ADGRV1: variants seen among roughly 807,000 people sequenced by gnomAD.
ADGRV1 encodes adhesion G protein-coupled receptor V1.
ADGRV1 carries 359 observed loss-of-function variants against 596.2 expected under a neutral mutation model. The observed-to-expected ratio is 0.60, with a 90% CI of 0.55 to 0.66. The LOEUF (loss-of-function observed/expected upper bound fraction) is 0.66. Ranked by LOEUF, ADGRV1 falls within the 30% of genes least tolerant of loss-of-function variation. ADGRV1 has a pLI of 0.00. For missense variants in ADGRV1, 7,274 were observed against 7,575.6 expected (o/e 0.96, Z 1.48); for synonymous variants, 2,681 against 2,679.2 (o/e 1.00, Z -0.02).
intron 1 of ADGRV1, among the ~76,000 whole-genome samples, chr5:90,590,870 A>T (rs1759405687): frequency 6.6e-6 from 1 of 152,178 alleles, no homozygotes; most frequent in South Asian, 2.1e-4. Flanking sequence ...TTAAATAAAA[A>T]TGCTGTAATA....
chr5:90,676,359 T>G (rs1744221835), intron 25 of ADGRV1, 150 bp downstream of exon 25: 1 of 620,472 alleles, frequency 1.6e-6, no homozygotes, highest in Admixed American at 3.7e-5. Context: ...GCCTGAAAGT[T>G]AATAATTGCT....
chr5:90,960,956 G>A (rs760789601), intron 83 of ADGRV1, among the ~76,000 whole-genome samples: 6 of 152,190 alleles, frequency 3.9e-5, no homozygotes, highest in East Asian at 1.9e-4. Context: ...CACAAGCAGC[G>A]CTAATACTCT....
At chr5:90,822,932 TC>T (rs983903140) in intron 75 of ADGRV1, among the ~76,000 whole-genome samples, 24 of 152,190 alleles carry the variant, frequency 1.6e-4, no homozygotes, top group Non-Finnish European at 2.6e-4. Flanking sequence ...TCTCTGTTTG[TC>T]TGTTATTGGT....
At chr5:91,130,888 T>C (rs1794159621) in intron 87 of ADGRV1, among the ~76,000 whole-genome samples, 1 of 152,244 alleles carries the variant, frequency 6.6e-6, no homozygotes, top group Non-Finnish European at 1.5e-5. Flanking sequence ...ATTCTGTTTC[T>C]CTATTAATTT....
At chr5:91,067,218 C>G (rs1428409138) in intron 85 of ADGRV1, among the ~76,000 whole-genome samples, 1 of 97,978 alleles carries the variant, frequency 1.0e-5, no homozygotes, top group African/African-American at 3.2e-5. Context: ...GATCTCAGCT[C>G]ACCACAACCT....
chr5:90,675,577 G>C (rs1461300870), intron 24 of ADGRV1, 132 bp downstream of exon 24: 2 of 897,844 alleles, frequency 2.2e-6, no homozygotes, highest in Non-Finnish European at 3.4e-6. Flanking sequence ...GGGAGGCAAA[G>C]GCGAGAGGAT....
Position 90,787,998 on chromosome 5 carries a change from G to T in ADGRV1, c.13654-73G>T, listed in dbSNP as rs576216297. 4 of 1,083,624 alleles carry T rather than the reference G, an allele frequency of 3.7e-6. No individual in the cohort carries two copies. The African/African-American group carries it at 6.4e-5, about 17-fold the overall frequency. The allele number at this position is 1,083,624 out of a possible 1,614,324, so 67.1% of individuals were successfully genotyped here. A position where few individuals can be genotyped will look rare whatever the true frequency, so the allele number is the denominator to read the frequency against. On this transcript the variant is annotated intron_variant, in intron 67 of 89. Transcript: ENST00000405460. Reference sequence around the variant, plus strand: ...ATGTGTATATATTTTCTTAATACTAGATACCCTGAAATAGTTTTTTGCTTA... The same window carrying T: ...ATGTGTATATATTTTCTTAATACTATATACCCTGAAATAGTTTTTTGCTTA...
chr5:90,711,305 T>G lies in ADGRV1; in HGVS notation c.9025T>G (p.Tyr3009Asp). The G allele has an allele frequency of 6.2e-7, 1 of 1,610,836 alleles. No homozygotes were observed. Among genetic ancestry groups the G allele is most frequent in the Non-Finnish European group, 8.5e-7 (1 of 1,178,630 alleles). ...TTTGGAAGCACAAGTGGGGCTGGAT[T>G]ATATCTTCACCCCAATGGTGGGTCT... Reference protein sequence around the residue: ...QNLEAQVGLDYIFTPMILHFA... With the variant: ...QNLEAQVGLDDIFTPMILHFA... The change falls in exon 41 of 90, where the codon TAT becomes GAT. Residue 3009 changes from tyrosine (Y) to aspartate (D), a missense_variant. Transcript: ENST00000405460.
chr5:90,722,148 G>C (rs547795136), intron 45 of ADGRV1, among the ~76,000 whole-genome samples: 23 of 152,240 alleles, frequency 1.5e-4, no homozygotes, highest in African/African-American at 5.5e-4. Context: ...ATAATGGGTT[G>C]ATACAGAAGA....
chr5:90,685,713 T>C lies in ADGRV1; in HGVS notation c.6275-67T>C, dbSNP rs948900334. On this transcript the variant is annotated intron_variant, in intron 28 of 89. Transcript: ENST00000405460. The stretch of plus-strand genomic sequence containing the variant: ...ATGGAATCTTGCTGAGGTTTCTTGA[T>C]GACTTTTGGCCAGTTCTTAGAATTT... 9 of 1,105,048 alleles carry C rather than the reference T, an allele frequency of 8.1e-6. No individual in the cohort carries two copies. The African/African-American group carries it at 9.3e-5, about 11-fold the overall frequency. 68.5% of individuals were successfully genotyped at this position (1,105,048 alleles called of 1,614,324 possible). A position where few individuals can be genotyped will look rare whatever the true frequency, so the allele number is the denominator to read the frequency against.
Position 90,729,780 on chromosome 5 carries a change from C to G in ADGRV1, c.10549+16C>G, listed in dbSNP as rs1479857449. On this transcript the variant is annotated intron_variant, in intron 50 of 89. Coordinates refer to ENST00000405460, the MANE Select transcript of ADGRV1 (RefSeq NM_032119.4). ...TCAGGAATAGGTAAGGACTTTTCAA[C>G]TGCTCACCAATTCTAAAGGTAGTAT... is the stretch of plus-strand genomic sequence containing the variant. The G allele has an allele frequency of 6.2e-7, 1 of 1,611,672 alleles. No homozygotes were observed. The highest frequency in any genetic ancestry group is 8.5e-7 in the Non-Finnish European group (1 of 1,178,314).
At position 90,689,885 on chromosome 5, in the gene ADGRV1, C is replaced by T; in HGVS notation, c.6515C>T (p.Ser2172Leu). Residue 2172 changes from serine to leucine, a missense_variant, in exon 30 of 90, where the codon TCA (serine) becomes TTA (leucine). Around this residue, in one of 5 missense-constraint regions of ADGRV1, gnomAD observed 3,643 missense variants for 3,809.2 expected, o/e 0.96. Transcript: ENST00000405460. The stretch of plus-strand genomic sequence containing the variant: ...GGTGAAGATTATAGTATAGCTTCAT[C>T]AGATGTGGTCTTGCTAGAAGGGGAA... Reference protein sequence around the residue: ...IAGEDYSIASSDVVLLEGETS... With the variant: ...IAGEDYSIASLDVVLLEGETS... 1 of 1,612,620 alleles carries T rather than the reference C, an allele frequency of 6.2e-7. No homozygotes were observed. Among genetic ancestry groups the T allele is most frequent in the Non-Finnish European group, 8.5e-7 (1 of 1,179,070 alleles).
rs3814069 is a variant in ADGRV1, at chr5:91,164,284, A to G, written c.*384A>G. ...CATGGGCAAAAAAAGCTAACTCTAT[A>G]TGTAGATGATGACAAGCACCCTGTG... On this transcript the variant is annotated 3_prime_UTR_variant, in exon 90 of 90. Coordinates refer to ENST00000405460, the MANE Select transcript of ADGRV1 (RefSeq NM_032119.4). 3,776 of 309,818 alleles carry G rather than the reference A, an allele frequency of 0.012. 232 individuals carry two copies. In the East Asian group the frequency reaches 0.17, roughly 14 times the overall value. The allele number at this position is 309,818 out of a possible 1,614,324, so 19.2% of individuals were successfully genotyped here. A position where few individuals can be genotyped will look rare whatever the true frequency, so the allele number is the denominator to read the frequency against.
intron 21 of ADGRV1, among the ~76,000 whole-genome samples, chr5:90,665,813 G>A (rs977944465): frequency 1.3e-5 from 2 of 151,318 alleles, no homozygotes; most frequent in Non-Finnish European, 2.9e-5. Context: ...GGTATGTTGT[G>A]TCTTCGTTCT....
At chr5:90,887,305 C>T (rs376640261) in intron 83 of ADGRV1, among the ~76,000 whole-genome samples, 19 of 152,250 alleles carry the variant, frequency 1.2e-4, no homozygotes, top group African/African-American at 4.3e-4. Context: ...CCTTCTCTCA[C>T]TTCAAGGATC....
intron 73 of ADGRV1, among the ~76,000 whole-genome samples, chr5:90,809,152 T>G (rs1450017345): frequency 6.6e-6 from 1 of 151,688 alleles, no homozygotes; most frequent in Non-Finnish European, 1.5e-5. Flanking sequence ...GAGATGGGGT[T>G]TCACTGTGTT....
At chr5:91,072,032 A>ACCT (rs1788435346) in intron 85 of ADGRV1, among the ~76,000 whole-genome samples, 1 of 152,134 alleles carries the variant, frequency 6.6e-6, no homozygotes, top group Admixed American at 6.6e-5. Flanking sequence ...AAGTATATCT[A>ACCT]AAGTGACTCT....
chr5:91,034,442 AT>A (rs1391755950), intron 85 of ADGRV1, among the ~76,000 whole-genome samples: 1 of 152,172 alleles, frequency 6.6e-6, no homozygotes, highest in Non-Finnish European at 1.5e-5. Flanking sequence ...ATTCTGTTTT[AT>A]TTTAGAAAAG....
chr5:90,850,956 G>C (rs551314914), intron 79 of ADGRV1: 1 of 152,208 alleles, frequency 6.6e-6, no homozygotes, highest in South Asian at 2.1e-4. Context: ...TCTGCCATAC[G>C]CTTCCACTAA....
Sources: allele counts gnomAD v4.1 joint callset (sites outside exome capture counted in the v4.1 genomes callset), GRCh38; gene constraint gnomAD v4.1.1; regional missense constraint gnomAD v4.1.1; transcripts MANE v1.5; gene names NCBI Gene and HGNC (gene_info 2026-07-23, HGNC 2026-07-21).